NCBP1: variants seen among roughly 807,000 people sequenced by gnomAD.
NCBP1 encodes nuclear cap binding protein subunit 1.
Under a neutral mutation model 111.7 loss-of-function variants are expected in NCBP1, and 16 were observed. The ratio of observed to expected loss-of-function variants is 0.14; its 90% CI spans 0.10 to 0.22. NCBP1 has a LOEUF of 0.22. Ranked by LOEUF, NCBP1 falls within the 10% of genes least tolerant of loss-of-function variation. NCBP1 has a pLI of 1.00. For missense variants in NCBP1, 607 were observed against 957.5 expected (o/e 0.63, Z 4.83); for synonymous variants, 304 against 314.3 (o/e 0.97, Z 0.35).
chr9:97,646,180 A>G (rs1341953414), intron 6 of NCBP1, among the ~76,000 whole-genome samples: 1 of 152,198 alleles, frequency 6.6e-6, no homozygotes, highest in Non-Finnish European at 1.5e-5. Context: ...TATTTAGTTC[A>G]TGTAAATTAA....
chr9:97,663,074 G>A lies in NCBP1; in HGVS notation c.1797+27G>A, dbSNP rs767175785. 3 of 1,529,188 alleles carry A rather than the reference G, an allele frequency of 2.0e-6. No individual in the cohort carries two copies. The South Asian group carries it at 3.4e-5, about 18-fold the overall frequency. 94.7% of individuals were successfully genotyped at this position (1,529,188 alleles called of 1,614,324 possible). A position where few individuals can be genotyped will look rare whatever the true frequency, so the allele number is the denominator to read the frequency against. ...TAAAAATTATTTAATTAGACATGTT[G>A]AAGCTCTGATTGTATGGGTATAAAA... On this transcript the variant is annotated intron_variant, in intron 18 of 22. Transcript: ENST00000375147.
chr9:97,667,063 G>A (rs911836359), intron 20 of NCBP1, among the ~76,000 whole-genome samples, 186 bp downstream of exon 20: 7 of 152,160 alleles, frequency 4.6e-5, no homozygotes, highest in African/African-American at 1.7e-4. Context: ...AGTGTGTTGT[G>A]TGCTGTTACA....
intron 8 of NCBP1, among the ~76,000 whole-genome samples, chr9:97,650,142 G>C (rs111904665): frequency 5.3e-5 from 8 of 152,218 alleles, no homozygotes; most frequent in Non-Finnish European, 1.0e-4. Context: ...TGTTTGAATA[G>C]AATTTTCTCT....
At chr9:97,636,664 ATATATATAT>A (rs1827048911) in intron 1 of NCBP1, among the ~76,000 whole-genome samples, 1 of 139,234 alleles carries the variant, frequency 7.2e-6, no homozygotes, top group African/African-American at 2.8e-5. Context: ...ATATATATAT[ATATATATAT>A]AAAATCATTT....
chr9:97,658,866 G>A (rs1451196800), intron 15 of NCBP1, 123 bp downstream of exon 15: 1 of 740,734 alleles, frequency 1.4e-6, no homozygotes. Context: ...TCCTGTATTT[G>A]AAAGGTGGTC....
chr9:97,644,029 T>G (rs1443681841), intron 4 of NCBP1, among the ~76,000 whole-genome samples: 1 of 152,188 alleles, frequency 6.6e-6, no homozygotes, highest in African/African-American at 2.4e-5. Context: ...ACAAGATGAT[T>G]CCTTGGGTTT....
chr9:97,640,088 T>C (rs1286705740), intron 1 of NCBP1, among the ~76,000 whole-genome samples: 1 of 152,184 alleles, frequency 6.6e-6, no homozygotes, highest in East Asian at 1.9e-4. Context: ...TTTCTTTGAA[T>C]ATACGTATAC....
rs771211054 is a variant in NCBP1 at position 97,655,654 on chromosome 9, C to T, written c.1236-48C>T. The T allele has an allele frequency of 2.0e-6, 3 of 1,478,732 alleles. No individual in the cohort carries two copies. In the East Asian group the frequency reaches 6.8e-5, roughly 34 times the overall value. The allele number at this position is 1,478,732 out of a possible 1,614,324, so 91.6% of individuals were successfully genotyped here. ...CTTATATAAGTTTCTGTTCTAAATC[C>T]CAGTTATTCTTCCTTTTTCTCTGCC... On this transcript the variant is annotated intron_variant, in intron 12 of 22. Transcript: ENST00000375147.
intron 3 of NCBP1, 127 bp from the exon 4 acceptor site, chr9:97,643,077 T>C: frequency 5.4e-6 from 5 of 923,652 alleles, no homozygotes; most frequent in Non-Finnish European, 7.7e-6. Flanking sequence ...TCTGAAGTAT[T>C]TTTAAAGACA....
At chr9:97,665,210 T>G (rs1161695356) in intron 19 of NCBP1, among the ~76,000 whole-genome samples, 2 of 152,252 alleles carry the variant, frequency 1.3e-5, no homozygotes, top group Non-Finnish European at 2.9e-5. Flanking sequence ...GATCTAAGGT[T>G]GTCATACCGG....
At chr9:97,644,662 A>G (rs1386687617) in intron 4 of NCBP1, among the ~76,000 whole-genome samples, 2 of 152,198 alleles carry the variant, frequency 1.3e-5, no homozygotes, top group Non-Finnish European at 2.9e-5. Context: ...TTACAGCCAA[A>G]CAGAAAAGGA....
In NCBP1 at chr9:97,651,300, C is replaced by T. The variant is rs1420862759; in HGVS notation, c.996-10C>T. On this transcript the variant is annotated splice_polypyrimidine_tract_variant and intron_variant, in intron 9 of 22. Coordinates refer to ENST00000375147, the MANE Select transcript of NCBP1 (RefSeq NM_002486.5). ...GTATACTTATTAAACTTAAATTACA[C>T]TTTTTATAGTGCTGCACAGTTAGTG... 6.2e-7 allele frequency: 1 copy of T among 1,600,114 alleles called. No individual in the cohort carries two copies. The highest frequency in any genetic ancestry group is 8.5e-7 in the Non-Finnish European group (1 of 1,174,072).
intron 21 of NCBP1, 114 bp from the exon 22 acceptor site, chr9:97,669,479 C>T: frequency 1.5e-6 from 1 of 675,766 alleles, no homozygotes; most frequent in Admixed American, 2.6e-5. Flanking sequence ...TAGGCACACA[C>T]ACCACAAAGA....
intron 21 of NCBP1, 92 bp from the exon 22 acceptor site, chr9:97,669,501 A>G: frequency 1.3e-6 from 1 of 793,500 alleles, no homozygotes; most frequent in Non-Finnish European, 2.1e-6. Flanking sequence ...AGGGTGGAAC[A>G]GGCAATACTT....
At chr9:97,670,376 C>T (rs1010054054) in intron 22 of NCBP1, among the ~76,000 whole-genome samples, 1 of 152,156 alleles carries the variant, frequency 6.6e-6, no homozygotes, top group Admixed American at 6.5e-5. Context: ...GGTAAGCTCC[C>T]TGGGGTCTCT....
At chr9:97,665,115 C>T (rs889092952) in intron 19 of NCBP1, among the ~76,000 whole-genome samples, 15 of 152,210 alleles carry the variant, frequency 9.9e-5, no homozygotes, top group Non-Finnish European at 2.1e-4. Flanking sequence ...AAAAGTCCAT[C>T]ACAACCTTTA....
chr9:97,669,951 C>G, intron 22 of NCBP1: 1 of 507,398 alleles, frequency 2.0e-6, no homozygotes, highest in Non-Finnish European at 3.5e-6. Context: ...GAGATGGCAT[C>G]TCACTCTGTT....
At chr9:97,643,055 T>C (rs1314577367) in intron 3 of NCBP1, 149 bp from the exon 4 acceptor site, 1 of 704,542 alleles carries the variant, frequency 1.4e-6, no homozygotes, top group East Asian at 3.2e-5. Context: ...CATTTCTCAA[T>C]GACATGCTTT....
intron 11 of NCBP1, 84 bp downstream of exon 11, chr9:97,653,992 T>A (rs1045659631): frequency 1.6e-6 from 2 of 1,232,586 alleles, no homozygotes; most frequent in South Asian, 2.9e-5. Flanking sequence ...GGGTTTAAAT[T>A]TTGTAGGTAA....
Sources: gnomAD v4.1 joint callset for allele counts (sites outside exome capture counted in the v4.1 genomes callset) on GRCh38, gnomAD v4.1.1 for gene constraint, MANE v1.5 for transcripts, NCBI Gene and HGNC (gene_info 2026-07-23, HGNC 2026-07-21) for gene names.